NALCN: variants seen among roughly 807,000 people sequenced by gnomAD.
NALCN encodes the protein sodium leak channel NALCN.
NALCN carries 111 observed loss-of-function variants against 225.3 expected under a neutral mutation model. The observed-to-expected ratio is 0.49, with a 90% confidence interval of 0.42 to 0.58. The LOEUF (loss-of-function observed/expected upper bound fraction) is 0.58, where lower values mean the gene tolerates loss of function less well. Ranked by LOEUF, NALCN falls within the 20% of genes least tolerant of loss-of-function variation. NALCN has a pLI of 0.00. For missense variants in NALCN, 1,378 were observed against 2,202.4 expected (o/e 0.63, Z 7.49); for synonymous variants, 764 against 769.0 (o/e 0.99, Z 0.11).
chr13:101,210,113 C>A (rs1339141865), intron 13 of NALCN, among the ~76,000 whole-genome samples: 5 of 152,112 alleles, frequency 3.3e-5, no homozygotes. Flanking sequence ...TTTTGTATTG[C>A]ACAATTTAAG....
At chr13:101,087,941 A>G (rs7319968) in intron 30 of NALCN, among the ~76,000 whole-genome samples, 2 of 152,046 alleles carry the variant, frequency 1.3e-5, no homozygotes, top group South Asian at 4.2e-4. Context: ...TTGACTGATT[A>G]GCTTCTGCTT....
At chr13:101,056,443 G>C (rs1376056107) in intron 43 of NALCN, among the ~76,000 whole-genome samples, 1 of 151,714 alleles carries the variant, frequency 6.6e-6, no homozygotes, top group Non-Finnish European at 1.5e-5. Flanking sequence ...TGTATTTTTA[G>C]TAGAGACAGG....
chr13:101,109,688 T>C (rs781431767), intron 20 of NALCN, among the ~76,000 whole-genome samples: 20 of 152,174 alleles, frequency 1.3e-4, no homozygotes, highest in Non-Finnish European at 2.2e-4. Flanking sequence ...GGTTATTTAA[T>C]ATGCATTTCC....
At chr13:101,262,279 T>C (rs1036146761) in intron 10 of NALCN, among the ~76,000 whole-genome samples, 1 of 152,220 alleles carries the variant, frequency 6.6e-6, no homozygotes, top group Non-Finnish European at 1.5e-5. Flanking sequence ...TGGTGAGATA[T>C]ATTACTCACA....
rs866709006 is a variant in NALCN at position 101,059,904 on chromosome 13, G to A, written c.4819C>T (p.Arg1607Trp). The change falls in exon 42 of 44, where the codon CGG becomes TGG. Residue 1607 changes from arginine (R) to tryptophan (W), a missense_variant. By Grantham distance (101) the Arg-to-Trp change is moderately radical. This residue lies in a region of NALCN where 94 missense variants were observed against 170.3 expected (regional missense o/e 0.55). Transcript: ENST00000251127. Reference sequence around the variant, plus strand: ...TCGATGCTGGGCGGGTTCAGAAACCGGCTCAGCTCTTGCTGCTGACTCTCT... The same window carrying A: ...TCGATGCTGGGCGGGTTCAGAAACCAGCTCAGCTCTTGCTGCTGACTCTCT... The part of the protein sequence containing the change: ...LRESQQQELS[R>W]FLNPPSIETT... 2.4e-5 allele frequency: 38 copies of A among 1,613,818 alleles called. No homozygotes were observed. Among genetic ancestry groups the A allele is most frequent in the African/African-American group, 2.0e-4 (15 of 74,850 alleles).
Position 101,395,285 on chromosome 13 carries a change from G to A in NALCN, c.189C>T (p.His63=), listed in dbSNP as rs1334248068. ...AGGTCACATACTGAAGTGGAGGATA[G>A]TGCTCGAAGGTCATTGGCGTATTCA... ...VCMNTPMTFE[H]YPPLQYVTFT... is the part of the protein sequence containing the mutation. Residue 63 remains histidine, a synonymous_variant, in exon 3 of 44, where the codon CAC becomes CAT. Transcript: ENST00000251127. 6.2e-7 allele frequency: 1 copy of A among 1,614,088 alleles called. No individual in the cohort carries two copies. Among genetic ancestry groups the A allele is most frequent in the African/African-American group, 1.3e-5 (1 of 75,046 alleles).
chr13:101,416,845 G>C (rs574170273), upstream of NALCN, among the ~76,000 whole-genome samples: 1 of 152,220 alleles, frequency 6.6e-6, no homozygotes, highest in South Asian at 2.1e-4. Context: ...GTACACTTAA[G>C]TGCACTGCCA....
intron 7 of NALCN, among the ~76,000 whole-genome samples, chr13:101,306,804 G>A (rs923695647): frequency 7.9e-5 from 12 of 152,198 alleles, no homozygotes; most frequent in Non-Finnish European, 1.6e-4. Context: ...GCAAGGAAGT[G>A]CTACTGTGGG....
At chr13:101,367,878 G>A (rs1023924605) in intron 6 of NALCN, among the ~76,000 whole-genome samples, 1 of 152,038 alleles carries the variant, frequency 6.6e-6, no homozygotes, top group African/African-American at 2.4e-5. Context: ...GTGGTGTCTT[G>A]ATGTGGCGTC....
At chr13:101,086,146 T>G (rs1448561398) in intron 30 of NALCN, among the ~76,000 whole-genome samples, 1 of 152,114 alleles carries the variant, frequency 6.6e-6, no homozygotes, top group Non-Finnish European at 1.5e-5. Context: ...TTCTTGAATA[T>G]TATAGAAGCT....
chr13:101,214,485 GTT>G (rs1343273092), intron 13 of NALCN, among the ~76,000 whole-genome samples: 12 of 150,820 alleles, frequency 8.0e-5, no homozygotes, highest in Admixed American at 5.9e-4. Flanking sequence ...ATGGAGTACT[GTT>G]TCTTCTTCTC....
At chr13:101,107,175 G>C (rs541331306) in intron 22 of NALCN, among the ~76,000 whole-genome samples, 2 of 152,302 alleles carry the variant, frequency 1.3e-5, no homozygotes, top group African/African-American at 4.8e-5. Flanking sequence ...GTCTCCTTTT[G>C]TCTCAGTACT....
At chr13:101,181,372 T>C (rs770789539) in intron 14 of NALCN, 3 of 511,856 alleles carry the variant, frequency 5.9e-6, no homozygotes, top group Non-Finnish European at 1.2e-5. Flanking sequence ...ATCAGTTTCT[T>C]TCTGCTAAAT....
intron 4 of NALCN, 99 bp from the exon 5 acceptor site, chr13:101,377,155 C>T: frequency 7.0e-7 from 1 of 1,437,654 alleles, no homozygotes; most frequent in Non-Finnish European, 9.5e-7. Context: ...AGGTGCACCT[C>T]TACTCTGAAT....
At chr13:101,262,445 T>G (rs1358058533) in intron 10 of NALCN, among the ~76,000 whole-genome samples, 1 of 152,076 alleles carries the variant, frequency 6.6e-6, no homozygotes, top group Non-Finnish European at 1.5e-5. Context: ...AGCAGACCTA[T>G]GGAAAGGAAC....
intron 25 of NALCN, 142 bp from the exon 26 acceptor site, chr13:101,103,481 A>G: frequency 1.0e-6 from 1 of 997,990 alleles, no homozygotes; most frequent in Non-Finnish European, 1.4e-6. Context: ...ACTTTAAACA[A>G]CAAACCTCAT....
At chr13:101,295,924 T>C (rs2043735690) in intron 7 of NALCN, among the ~76,000 whole-genome samples, 1 of 152,192 alleles carries the variant, frequency 6.6e-6, no homozygotes, top group South Asian at 2.1e-4. Flanking sequence ...AAAAATCAAA[T>C]GTATGTTCCT....
intron 10 of NALCN, among the ~76,000 whole-genome samples, chr13:101,277,141 T>C (rs990726730): frequency 6.6e-6 from 1 of 152,112 alleles, no homozygotes; most frequent in Non-Finnish European, 1.5e-5. Flanking sequence ...GGTTACTTCA[T>C]GTATTTAATT....
chr13:101,190,869 T>C (rs1235730372), intron 14 of NALCN, among the ~76,000 whole-genome samples: 2 of 152,208 alleles, frequency 1.3e-5, no homozygotes, highest in African/African-American at 4.8e-5. Context: ...TTAAACTTCA[T>C]TATCCAGGGA....
Sources: gnomAD v4.1 joint callset for allele counts (sites outside exome capture counted in the v4.1 genomes callset) on GRCh38, gnomAD v4.1.1 for gene constraint, gnomAD v4.1.1 regional missense constraint, MANE v1.5 for transcripts, NCBI Gene and HGNC (gene_info 2026-07-23, HGNC 2026-07-21) for gene names.